The following MROH1 variants were observed in gnomAD, a reference collection of about 807,000 sequenced individuals.
MROH1 encodes maestro heat-like repeat-containing protein family member 1.
MROH1 carries 117 observed loss-of-function variants against 116.5 expected under a neutral mutation model. The ratio of observed to expected loss-of-function variants is 1.00; its 90% CI spans 0.86 to 1.17. The LOEUF is 1.17. MROH1 is among the 50% of genes most tolerant of loss of function. The pLI is 0.00. For synonymous variants in MROH1, 921 were observed against 583.9 expected, an observed-to-expected ratio of 1.58 and a Z score of -8.32; for missense variants, 1,873 against 1,338.5, an observed-to-expected ratio of 1.40 and a Z score of -6.23.
intron 12 of MROH1, among the ~76,000 whole-genome samples, chr8:144,215,872 CAAAA>C (rs35093804): frequency 2.4e-5 from 3 of 124,964 alleles, no homozygotes; most frequent in African/African-American, 6.0e-5. Flanking sequence ...GACTCTGTCG[CAAAA>C]AAAAAAAAAA....
chr8:144,232,310 C>G (rs1472307190), intron 14 of MROH1, among the ~76,000 whole-genome samples: 1 of 151,994 alleles, frequency 6.6e-6, no homozygotes, highest in Non-Finnish European at 1.5e-5. Flanking sequence ...CCTTTATGAG[C>G]TTGAAGAAAT....
rs997877227 is a variant in MROH1 at position 144,150,502 on chromosome 8, C to T, written c.-177+2426C>T. ...ACTGAGGCTTGTTGGGGCCGTTCTT[C>T]AGGTTCTGCTACTGGCACCAGCACC... On this transcript the variant is annotated intron_variant, in intron 1 of 43. Coordinates refer to ENST00000326134, the MANE Select transcript of MROH1 (RefSeq NM_032450.3). Among the ~76,000 whole-genome samples the T allele has an allele frequency of 2.8e-4, 42 of 152,208 alleles. 1 individual carries two copies. Among genetic ancestry groups the T allele is most frequent in the African/African-American group, 9.6e-4 (40 of 41,458 alleles).
At position 144,245,640 on chromosome 8, in the gene MROH1, A is replaced by T. The variant is rs1002773296; in HGVS notation, c.2871+380A>T. On this transcript the variant is annotated intron_variant, in intron 29 of 43. Transcript: ENST00000326134. ...AAATATCTTTTTATCATCTGTCAGG[A>T]TTATTCTAGGCTTTCTTTTCTCTCT... is the stretch of plus-strand genomic sequence containing the variant. Among the ~76,000 whole-genome samples the T allele has an allele frequency of 4.4e-3, 675 of 152,254 alleles. 9 individuals are homozygous for T. The highest frequency in any genetic ancestry group is 0.015 in the African/African-American group (630 of 41,530).
At chr8:144,156,683 T>C (rs1171538397) in intron 1 of MROH1, among the ~76,000 whole-genome samples, 3 of 98,258 alleles carry the variant, frequency 3.1e-5, no homozygotes, top group African/African-American at 3.9e-5. Context: ...CACTCCAGCC[T>C]GGGTGACAGA....
intron 12 of MROH1, among the ~76,000 whole-genome samples, chr8:144,210,004 C>T (rs557941386): frequency 6.6e-6 from 1 of 151,976 alleles, no homozygotes; most frequent in African/African-American, 2.4e-5. Context: ...GATCTACCAC[C>T]AGGTCTTTTG....
chr8:144,238,730 C>T (rs1433029236), intron 14 of MROH1, 26 bp from the exon 15 acceptor site: 25 of 767,938 alleles, frequency 3.3e-5, no homozygotes, highest in Non-Finnish European at 4.8e-5. Context: ...CGCCCACGCA[C>T]GCCTTTGCCT....
At chr8:144,187,055 G>A (rs1207966371) in intron 7 of MROH1, among the ~76,000 whole-genome samples, 5 of 149,900 alleles carry the variant, frequency 3.3e-5, no homozygotes, top group East Asian at 3.9e-4. Flanking sequence ...CCAAGATCAC[G>A]CCACTGCATT....
intron 10 of MROH1, among the ~76,000 whole-genome samples, chr8:144,196,264 C>T (rs1489160205): frequency 2.8e-5 from 4 of 145,160 alleles, no homozygotes; most frequent in South Asian, 2.2e-4. Flanking sequence ...CATTCCAGCC[C>T]GGGTGACAGA....
rs1801101336 is a variant in MROH1, at chr8:144,180,295, C to T, written c.418C>T (p.His140Tyr). 2 of 1,608,260 alleles carry T rather than the reference C, an allele frequency of 1.2e-6. No homozygotes were observed. Among genetic ancestry groups the T allele is most frequent in the African/African-American group, 2.7e-5 (2 of 74,822 alleles). ...CAGGCTGCACCCTGGGACCCTGCCA[C>T]ACTGCGCCGTGCTGCACACCCTCGC... ...LRRLHPGTLP[H>Y]CAVLHTLASL... The change falls in exon 6 of 44, where the codon CAC becomes TAC. Residue 140 changes from histidine (H) to tyrosine (Y), a missense_variant. Physicochemically the swap from His to Tyr is moderately conservative, Grantham distance 83. Coordinates refer to ENST00000326134, the MANE Select transcript of MROH1 (RefSeq NM_032450.3). The surrounding 1 kb of genome is among the most constrained non-coding windows in gnomAD (Gnocchi z 7.4).
chr8:144,232,466 G>GTTTATTTATTTA (rs781967340), intron 14 of MROH1, among the ~76,000 whole-genome samples: 2 of 144,304 alleles, frequency 1.4e-5, no homozygotes, highest in African/African-American at 5.0e-5. Flanking sequence ...TGAGTGCTTT[G>GTTTATTTATTTA]TTTGTTTGTT....
intron 3 of MROH1, 85 bp from the exon 4 acceptor site, chr8:144,168,210 T>A: frequency 7.1e-7 from 1 of 1,401,446 alleles, no homozygotes. Context: ...AGGCTGCAGG[T>A]GTGTCCACTG....
chr8:144,200,341 C>A (rs757761547), intron 11 of MROH1, 87 bp from the exon 12 acceptor site: 21 of 1,066,466 alleles, frequency 2.0e-5, no homozygotes, highest in Non-Finnish European at 2.8e-5. Context: ...TCCTCTGGCT[C>A]CTCCCCTGTG....
At chr8:144,255,356 A>G (rs944282670) in intron 34 of MROH1, among the ~76,000 whole-genome samples, 153 bp from the exon 35 acceptor site, 22 of 152,256 alleles carry the variant, frequency 1.4e-4, no homozygotes, top group Non-Finnish European at 2.4e-4. Context: ...CAAGCCATGC[A>G]GTGGTGCGCC....
chr8:144,246,368 G>A (rs1170769991), intron 29 of MROH1, among the ~76,000 whole-genome samples: 1 of 152,062 alleles, frequency 6.6e-6, no homozygotes, highest in East Asian at 1.9e-4. Flanking sequence ...GACCTCAAGT[G>A]ATCTGCCCAC....
Position 144,243,883 on chromosome 8 carries a change from C to T in MROH1, c.2496C>T (p.Pro832=), listed in dbSNP as rs1391821571. The T allele has an allele frequency of 3.8e-6, 3 of 780,240 alleles. No individual in the cohort carries two copies. Among genetic ancestry groups the T allele is most frequent in the African/African-American group, 1.7e-5 (1 of 59,262 alleles). The allele number at this position is 780,240 out of a possible 1,614,324, so 48.3% of individuals were successfully genotyped here. The change falls in exon 26 of 44, where the codon CCC becomes CCT. Residue 832 remains proline, a synonymous_variant. Transcript: ENST00000326134. The part of the protein sequence containing the change: ...AQMMEFIRAE[P]PDSLRTPIRK... ...CCCAGGAGTTCATCAGGGCAGAGCC[C>T]CCGGACTCCTTGAGGACACCTATTC...
rs908576646 is a variant in MROH1 at position 144,236,214 on chromosome 8, G to A, written c.1339-2542G>A. 1.9e-3 allele frequency among the ~76,000 whole-genome samples: 296 copies of A among 152,188 alleles called. 1 individual carries two copies. The highest frequency in any genetic ancestry group is 3.4e-3 in the Middle Eastern group (1 of 294). On this transcript the variant is annotated intron_variant, in intron 14 of 43. Coordinates refer to ENST00000326134, the MANE Select transcript of MROH1 (RefSeq NM_032450.3). Reference sequence around the variant, plus strand: ...GTATGGTGGTGTTTTCTCATGATTTGATCCAGGTGATGCAGTTTTGGGAGG... The same window carrying A: ...GTATGGTGGTGTTTTCTCATGATTTAATCCAGGTGATGCAGTTTTGGGAGG...
chr8:144,258,872 G>A lies in MROH1; in HGVS notation c.3887G>A (p.Arg1296Lys). 1 of 767,198 alleles carries A rather than the reference G, an allele frequency of 1.3e-6. No homozygotes were observed. Among genetic ancestry groups the A allele is most frequent in the Non-Finnish European group, 2.4e-6 (1 of 413,234 alleles). 47.5% of individuals were successfully genotyped at this position (767,198 alleles called of 1,614,324 possible). Reference sequence around the variant, plus strand: ...CTGGAGGGAGGCTGGGAACTGCTCAGGACCTCGGCGGGGCATGAGGAGGGG... The same window carrying A: ...CTGGAGGGAGGCTGGGAACTGCTCAAGACCTCGGCGGGGCATGAGGAGGGG... The part of the protein sequence containing the change: ...MDLEGGWELL[R>K]TSAGHEEGAT... The change falls in exon 36 of 44, where the codon AGG (arginine) becomes AAG (lysine). Residue 1296 changes from arginine (R) to lysine (K), a missense_variant. Arg to Lys is a conservative substitution (Grantham distance 26). Transcript: ENST00000326134.
intron 14 of MROH1, among the ~76,000 whole-genome samples, chr8:144,236,145 T>C (rs964539067): frequency 7.2e-5 from 11 of 152,218 alleles, no homozygotes; most frequent in Admixed American, 2.0e-4. Context: ...TTGACCTGGA[T>C]ACTTTCAAAG....
At chr8:144,178,549 G>A (rs565695421) in intron 4 of MROH1, among the ~76,000 whole-genome samples, 121 of 152,306 alleles carry the variant, frequency 7.9e-4, no homozygotes, top group East Asian at 2.1e-3. Context: ...GATTACAGGC[G>A]TGAGCCACCG....
Sources: allele counts gnomAD v4.1 joint callset (sites outside exome capture counted in the v4.1 genomes callset), GRCh38; gene constraint gnomAD v4.1.1; non-coding constraint Gnocchi (gnomAD v3.1); transcripts MANE v1.5; gene names NCBI Gene and HGNC (gene_info 2026-07-23, HGNC 2026-07-21).